PDSS2: variants seen among roughly 807,000 people sequenced by gnomAD.
The protein encoded by PDSS2 is decaprenyl diphosphate synthase subunit 2, also known as all trans-polyprenyl-diphosphate synthase PDSS2.
In PDSS2, 31 loss-of-function variants were observed where a neutral mutation model predicts 44.5. The observed-to-expected ratio is 0.70, with a 90% CI of 0.52 to 0.94. The LOEUF is 0.94. Ranked by LOEUF, PDSS2 falls within the 40% of genes least tolerant of loss-of-function variation. The pLI, the probability that PDSS2 is intolerant of heterozygous loss-of-function variation, is 0.00. For missense variants in PDSS2, 452 were observed against 482.2 expected (o/e 0.94, Z 0.59); for synonymous variants, 157 against 180.3 (o/e 0.87, Z 1.03).
intron 1 of PDSS2, among the ~76,000 whole-genome samples, chr6:107,420,643 T>C (rs944944079): frequency 6.6e-6 from 1 of 151,940 alleles, no homozygotes; most frequent in Non-Finnish European, 1.5e-5. Context: ...AAAAATAAAA[T>C]AGAAGCTTGA....
intron 2 of PDSS2, among the ~76,000 whole-genome samples, chr6:107,295,883 C>G: frequency 6.6e-6 from 1 of 152,074 alleles, no homozygotes; most frequent in East Asian, 1.9e-4. Flanking sequence ...GATTATATAT[C>G]TTTTTGGTAA....
chr6:107,367,658 CA>C (rs920780299), intron 1 of PDSS2, among the ~76,000 whole-genome samples: 1 of 151,932 alleles, frequency 6.6e-6, no homozygotes, highest in Admixed American at 6.6e-5. Context: ...CGGTGGCGGG[CA>C]AGTGTAATCC....
chr6:107,254,412 A>C (rs1774936293), intron 3 of PDSS2, among the ~76,000 whole-genome samples: 1 of 152,214 alleles, frequency 6.6e-6, no homozygotes, highest in Non-Finnish European at 1.5e-5. Flanking sequence ...TTTTTTAAAA[A>C]GTTGGTTGTG....
At chr6:107,261,978 G>A (rs1166930749) in intron 3 of PDSS2, among the ~76,000 whole-genome samples, 5 of 134,544 alleles carry the variant, frequency 3.7e-5, no homozygotes, top group African/African-American at 1.4e-4. Context: ...GTGCGATCTT[G>A]GCTCACTCCA....
intron 7 of PDSS2, among the ~76,000 whole-genome samples, chr6:107,169,455 T>A (rs928697146): frequency 6.6e-6 from 1 of 152,212 alleles, no homozygotes; most frequent in African/African-American, 2.4e-5. Flanking sequence ...AGTCTGATCA[T>A]CTGAAGCCTT....
At chr6:107,239,814 G>A (rs1194159487) in intron 4 of PDSS2, among the ~76,000 whole-genome samples, 2 of 151,598 alleles carry the variant, frequency 1.3e-5, no homozygotes, top group Non-Finnish European at 2.9e-5. Flanking sequence ...GCTAATTTTT[G>A]TATTTTTAGC....
Position 107,220,834 on chromosome 6 carries a change from T to C in PDSS2, c.703-8552A>G, listed in dbSNP as rs571834315. Reference sequence around the variant, plus strand: ...ATTCCCTAAACATTATTACCTTTTATGAGTTTGGTTACTAATGAAACAAAA... The same window carrying C: ...ATTCCCTAAACATTATTACCTTTTACGAGTTTGGTTACTAATGAAACAAAA... On this transcript the variant is annotated intron_variant, in intron 4 of 7. Transcript: ENST00000369037. Among the ~76,000 whole-genome samples the C allele has an allele frequency of 2.6e-5, 4 of 152,328 alleles. No homozygotes were observed. In the South Asian group the frequency reaches 6.2e-4, roughly 24 times the overall value.
At chr6:107,284,994 C>T (rs1306138117) in intron 2 of PDSS2, among the ~76,000 whole-genome samples, 1 of 152,192 alleles carries the variant, frequency 6.6e-6, no homozygotes, top group East Asian at 1.9e-4. Flanking sequence ...GGCTGACAGG[C>T]TAAGTAACTT....
intron 2 of PDSS2, among the ~76,000 whole-genome samples, chr6:107,332,005 G>A (rs753624632): frequency 4.6e-5 from 7 of 151,956 alleles, no homozygotes; most frequent in Admixed American, 1.3e-4. Context: ...GCTTTCCAGG[G>A]ACTAACAGGT....
chr6:107,386,389 A>AG (rs995876589), intron 1 of PDSS2, among the ~76,000 whole-genome samples: 4 of 151,930 alleles, frequency 2.6e-5, no homozygotes, highest in Admixed American at 2.0e-4. Context: ...TAAAAAAAAA[A>AG]AAAACAAAAA....
chr6:107,360,366 G>A (rs1456278744), intron 1 of PDSS2, among the ~76,000 whole-genome samples: 3 of 152,142 alleles, frequency 2.0e-5, no homozygotes, highest in Non-Finnish European at 4.4e-5. Context: ...CATTAAAAAT[G>A]TGGTGCATAG....
chr6:107,165,556 T>G (rs1295414428), intron 7 of PDSS2, among the ~76,000 whole-genome samples: 1 of 152,320 alleles, frequency 6.6e-6, no homozygotes, highest in African/African-American at 2.4e-5. Flanking sequence ...CATGCTGTTT[T>G]GGTTACTTTA....
intron 1 of PDSS2, among the ~76,000 whole-genome samples, chr6:107,366,035 C>T (rs1480417201): frequency 1.3e-5 from 2 of 152,134 alleles, no homozygotes; most frequent in African/African-American, 2.4e-5. Context: ...ACAACACTAT[C>T]AACCAACTTG....
chr6:107,341,633 C>T (rs1176180905), intron 1 of PDSS2, among the ~76,000 whole-genome samples: 3 of 152,096 alleles, frequency 2.0e-5, no homozygotes, highest in Admixed American at 1.3e-4. Flanking sequence ...TATGTTCTAG[C>T]TACAAACAAA....
At position 107,159,700 on chromosome 6, in the gene PDSS2, G is replaced by C. The variant is rs539115316; in HGVS notation, c.1042-4923C>G. Among the ~76,000 whole-genome samples, 4 of 152,092 alleles carry C rather than the reference G, an allele frequency of 2.6e-5. No individual in the cohort carries two copies. The South Asian group carries it at 8.3e-4, about 32-fold the overall frequency. On this transcript the variant is annotated intron_variant, in intron 7 of 7. Transcript: ENST00000369037. ...CCCAAAGTGCTGGGATTACAGGCGT[G>C]AGCCACTGCGCTGGGCCAAGCTCCC...
At chr6:107,421,744 G>A (rs1184263519) in intron 1 of PDSS2, among the ~76,000 whole-genome samples, 4 of 150,768 alleles carry the variant, frequency 2.7e-5, no homozygotes, top group Non-Finnish European at 3.0e-5. Flanking sequence ...CATAGCGATG[G>A]AACAGTCCTA....
At chr6:107,438,585 TAG>T (rs961380101) in intron 1 of PDSS2, among the ~76,000 whole-genome samples, 12 of 152,236 alleles carry the variant, frequency 7.9e-5, no homozygotes, top group African/African-American at 2.6e-4. Flanking sequence ...GCCACTACAG[TAG>T]AGAGTCAGGA....
intron 4 of PDSS2, among the ~76,000 whole-genome samples, chr6:107,239,521 A>G (rs1317572498): frequency 3.9e-5 from 6 of 152,072 alleles, no homozygotes; most frequent in Non-Finnish European, 8.8e-5. Context: ...AGAAAGAAAT[A>G]TACTAAAACA....
At chr6:107,250,064 A>C (rs1774761615) in intron 3 of PDSS2, among the ~76,000 whole-genome samples, 1 of 152,164 alleles carries the variant, frequency 6.6e-6, no homozygotes, top group African/African-American at 2.4e-5. Flanking sequence ...TGAAAAACCA[A>C]GATGATGAAT....
Sources: gnomAD v4.1 joint callset for allele counts (sites outside exome capture counted in the v4.1 genomes callset) on GRCh38, gnomAD v4.1.1 for gene constraint, MANE v1.5 for transcripts, NCBI Gene and HGNC (gene_info 2026-07-23, HGNC 2026-07-21) for gene names.